The following DGKB variants were observed in gnomAD, a reference collection of about 807,000 sequenced individuals.
DGKB encodes diacylglycerol kinase beta.
Under a neutral mutation model 114.3 loss-of-function variants are expected in DGKB, and 67 were observed. The observed-to-expected ratio is 0.59, with a 90% CI of 0.48 to 0.72. DGKB has a LOEUF of 0.72. DGKB is among the 30% of genes least tolerant of loss of function. The probability of loss-of-function intolerance (pLI) is 0.00; values close to 1 mark genes in which losing one functional copy is unlikely to be tolerated. For synonymous variants in DGKB, 398 were observed against 323.1 expected, an observed-to-expected ratio of 1.23 and a Z score of -2.49; for missense variants, 907 against 975.2, an observed-to-expected ratio of 0.93 and a Z score of 0.93.
At chr7:14,351,110 G>A (rs1813353581) in intron 21 of DGKB, among the ~76,000 whole-genome samples, 1 of 152,178 alleles carries the variant, frequency 6.6e-6, no homozygotes, top group African/African-American at 2.4e-5. Flanking sequence ...TAATGGGAAA[G>A]GTTGACTTAT....
chr7:14,475,789 A>C (rs1782076437), intron 21 of DGKB, among the ~76,000 whole-genome samples: 1 of 152,124 alleles, frequency 6.6e-6, no homozygotes, highest in Non-Finnish European at 1.5e-5. Context: ...ATCTAATCAC[A>C]TACTGAGCAG....
At chr7:14,525,433 T>C (rs1790488506) in intron 20 of DGKB, among the ~76,000 whole-genome samples, 1 of 152,178 alleles carries the variant, frequency 6.6e-6, no homozygotes. Flanking sequence ...TTCTGGAAAT[T>C]ATACTCTTTT....
At chr7:14,188,414 A>T (rs529935209) in intron 23 of DGKB, among the ~76,000 whole-genome samples, 1 of 149,062 alleles carries the variant, frequency 6.7e-6, no homozygotes, top group African/African-American at 2.4e-5. Context: ...TAATCCCAGC[A>T]CTTTGGGAGG....
intron 25 of DGKB, among the ~76,000 whole-genome samples, chr7:14,169,491 G>C (rs1430780368): frequency 6.6e-6 from 1 of 152,096 alleles, no homozygotes; most frequent in Non-Finnish European, 1.5e-5. Flanking sequence ...ACAAAATAGA[G>C]GGTAAGGATT....
intron 15 of DGKB, among the ~76,000 whole-genome samples, chr7:14,614,054 C>T (rs940403200): frequency 6.6e-6 from 1 of 152,182 alleles, no homozygotes; most frequent in Admixed American, 6.5e-5. Context: ...TCAGGTAACA[C>T]GAATTGACTC....
At chr7:14,264,754 T>G (rs1259705055) in intron 23 of DGKB, among the ~76,000 whole-genome samples, 1 of 152,102 alleles carries the variant, frequency 6.6e-6, no homozygotes, top group Non-Finnish European at 1.5e-5. Flanking sequence ...TGAGACATCT[T>G]GGATATTTCA....
intron 23 of DGKB, among the ~76,000 whole-genome samples, chr7:14,241,497 C>T (rs993973240): frequency 1.1e-4 from 17 of 152,172 alleles, no homozygotes; most frequent in Admixed American, 3.3e-4. Flanking sequence ...CTATAGCATA[C>T]ATACGTCAGG....
intron 13 of DGKB, among the ~76,000 whole-genome samples, chr7:14,632,842 T>C (rs1268068272): frequency 1.3e-5 from 2 of 151,880 alleles, no homozygotes; most frequent in African/African-American, 4.8e-5. Flanking sequence ...AAAAAAGCAA[T>C]ATTTCAATTA....
intron 2 of DGKB, among the ~76,000 whole-genome samples, chr7:14,795,439 G>A (rs1368820047): frequency 6.6e-6 from 1 of 152,142 alleles, no homozygotes; most frequent in Non-Finnish European, 1.5e-5. Flanking sequence ...TGTAATGTTA[G>A]GGTAGATTTG....
At chr7:14,932,816 G>A (rs1040961765) in intron 1 of DGKB, among the ~76,000 whole-genome samples, 1 of 152,160 alleles carries the variant, frequency 6.6e-6, no homozygotes, top group Non-Finnish European at 1.5e-5. Flanking sequence ...ACCACCAAAG[G>A]GCTTCCAGGC....
intron 23 of DGKB, among the ~76,000 whole-genome samples, chr7:14,210,608 G>A (rs896259517): frequency 4.6e-5 from 7 of 151,902 alleles, no homozygotes; most frequent in Non-Finnish European, 8.8e-5. Flanking sequence ...AATGTGGTCG[G>A]GTGAGAATGG....
chr7:14,338,501 G>A lies in DGKB; in HGVS notation c.2122+14C>T. The A allele has an allele frequency of 6.5e-7, 1 of 1,529,894 alleles. No individual in the cohort carries two copies. Among genetic ancestry groups the A allele is most frequent in the East Asian group, 2.3e-5 (1 of 43,006 alleles). 94.8% of individuals were successfully genotyped at this position (1,529,894 alleles called of 1,614,324 possible). ...TTAACAAGCAATTTAACAACTAATT[G>A]TTAGAAAACTGACCTTGACTTGCAA... On this transcript the variant is annotated intron_variant, in intron 23 of 25. Coordinates refer to ENST00000402815, the MANE Select transcript of DGKB (RefSeq NM_001350709.2).
rs1794582287 is a variant in DGKB, at chr7:14,548,140, AGTCT to A, written c.1770+26068_1770+26071del. Among the ~76,000 whole-genome samples, 10 of 152,188 alleles carry A rather than the reference AGTCT, an allele frequency of 6.6e-5. No individual in the cohort carries two copies. The South Asian group carries it at 2.1e-3, about 31-fold the overall frequency. ...TGTGAACATGAGAAAGAGCTAAAGA[AGTCT>A]GTCTAGCTTTGAATACTGTAGAATA... On this transcript the variant is annotated intron_variant, in intron 20 of 25. Transcript: ENST00000402815.
chr7:14,595,722 T>C (rs1240195825), intron 17 of DGKB, among the ~76,000 whole-genome samples: 1 of 151,890 alleles, frequency 6.6e-6, no homozygotes, highest in Non-Finnish European at 1.5e-5. Context: ...ATTAGTAAAC[T>C]GCTTAATGCT....
intron 20 of DGKB, among the ~76,000 whole-genome samples, chr7:14,549,726 C>T (rs1046756954): frequency 6.6e-6 from 1 of 152,134 alleles, no homozygotes; most frequent in Admixed American, 6.5e-5. Flanking sequence ...TGGTGGCTCA[C>T]GCCTGTAATC....
At chr7:14,272,216 A>AAGTT (rs1798368487) in intron 23 of DGKB, among the ~76,000 whole-genome samples, 1 of 152,200 alleles carries the variant, frequency 6.6e-6, no homozygotes, top group South Asian at 2.1e-4. Flanking sequence ...AGAACTAGGT[A>AAGTT]AGTTAATGGT....
chr7:14,225,695 A>G (rs1036135619), intron 23 of DGKB, among the ~76,000 whole-genome samples: 1 of 151,926 alleles, frequency 6.6e-6, no homozygotes, highest in African/African-American at 2.4e-5. Flanking sequence ...ATAGACAATC[A>G]CAGGATATAT....
chr7:14,182,429 A>C (rs967845512), intron 23 of DGKB, among the ~76,000 whole-genome samples: 1 of 152,122 alleles, frequency 6.6e-6, no homozygotes, highest in African/African-American at 2.4e-5. Flanking sequence ...CAGTATTTTA[A>C]TATAACTGAC....
chr7:14,378,334 A>G (rs1818826984), intron 21 of DGKB, among the ~76,000 whole-genome samples: 1 of 152,196 alleles, frequency 6.6e-6, no homozygotes, highest in Non-Finnish European at 1.5e-5. Context: ...CAGAGTCAAA[A>G]AGCACGATAA....
Sources: allele counts gnomAD v4.1 joint callset (sites outside exome capture counted in the v4.1 genomes callset), GRCh38; gene constraint gnomAD v4.1.1; transcripts MANE v1.5; gene names NCBI Gene and HGNC (gene_info 2026-07-23, HGNC 2026-07-21).